The following SOCS5 variants were observed in gnomAD, a reference collection of about 807,000 sequenced individuals.
The protein encoded by SOCS5 is suppressor of cytokine signaling 5.
In SOCS5, 32 loss-of-function variants were observed where a neutral mutation model predicts 42.8. The ratio of observed to expected loss-of-function variants is 0.75; its 90% CI spans 0.56 to 1.01. The LOEUF is 1.01. Among genes scored for constraint, SOCS5 ranks in the 50% least tolerant of loss-of-function variants. The probability of loss-of-function intolerance (pLI) is 0.00; values close to 1 mark genes in which losing one functional copy is unlikely to be tolerated. For synonymous variants in SOCS5, 283 were observed against 229.6 expected, an observed-to-expected ratio of 1.23 and a Z score of -2.10; for missense variants, 627 against 653.0, an observed-to-expected ratio of 0.96 and a Z score of 0.43.
chr2:46,738,077 T>TA (rs1462222111), intron 1 of SOCS5, among the ~76,000 whole-genome samples: 1 of 152,154 alleles, frequency 6.6e-6, no homozygotes, highest in Non-Finnish European at 1.5e-5. Flanking sequence ...ATGTAGATGT[T>TA]AAAATTAGAA....
At chr2:46,756,079 C>A (rs1251101448) in intron 1 of SOCS5, among the ~76,000 whole-genome samples, 1 of 152,156 alleles carries the variant, frequency 6.6e-6, no homozygotes, top group Non-Finnish European at 1.5e-5. Context: ...TGTGCCCTGG[C>A]AAGTACAAAT....
chr2:46,744,050 C>T (rs79729744), intron 1 of SOCS5, among the ~76,000 whole-genome samples: 2,493 of 151,792 alleles, frequency 0.016, 76 homozygotes, highest in African/African-American at 0.053. Context: ...AGTGCAGTGG[C>T]GCAATCTCAG....
chr2:46,710,100 G>A (rs1000624205), intron 1 of SOCS5, among the ~76,000 whole-genome samples: 12 of 152,140 alleles, frequency 7.9e-5, no homozygotes, highest in Non-Finnish European at 1.3e-4. Context: ...TGGGCAAAGA[G>A]TAAGGAGATA....
chr2:46,709,152 G>A (rs1672559846), intron 1 of SOCS5, among the ~76,000 whole-genome samples: 1 of 152,138 alleles, frequency 6.6e-6, no homozygotes, highest in Non-Finnish European at 1.5e-5. Context: ...CCAAAGTGCT[G>A]CGATTACAGG....
At position 46,747,659 on chromosome 2, in the gene SOCS5, G is replaced by A. The variant is rs540799069; in HGVS notation, c.-12-10860G>A. On this transcript the variant is annotated intron_variant, in intron 1 of 1. Transcript: ENST00000394861. ...CTTCCTGTGGTCATTGTACTTACAC[G>A]TAGTACTCCTCTATAACCACATCCC... Among the ~76,000 whole-genome samples the A allele has an allele frequency of 8.5e-5, 13 of 152,128 alleles. No homozygotes were observed. In the South Asian group the frequency reaches 1.7e-3, roughly 19 times the overall value.
chr2:46,719,447 A>T (rs1672830150), intron 1 of SOCS5, among the ~76,000 whole-genome samples: 1 of 152,184 alleles, frequency 6.6e-6, no homozygotes, highest in African/African-American at 2.4e-5. Context: ...ATTTAATATT[A>T]CTATCTTTCC....
At chr2:46,702,433 A>G (rs1672365679) in intron 1 of SOCS5, among the ~76,000 whole-genome samples, 1 of 152,200 alleles carries the variant, frequency 6.6e-6, no homozygotes, top group Non-Finnish European at 1.5e-5. Context: ...TCTGAATGTC[A>G]TTGGGAGATC....
intron 1 of SOCS5, among the ~76,000 whole-genome samples, chr2:46,706,213 G>A (rs963019200): frequency 6.6e-6 from 1 of 152,158 alleles, no homozygotes; most frequent in Non-Finnish European, 1.5e-5. Context: ...AGAAAGGTAG[G>A]TGGCATTATC....
At chr2:46,709,542 A>G (rs887345603) in intron 1 of SOCS5, among the ~76,000 whole-genome samples, 2 of 152,194 alleles carry the variant, frequency 1.3e-5, no homozygotes, top group African/African-American at 2.4e-5. Context: ...AAAAGTAGGA[A>G]TAACACTATT....
chr2:46,730,691 G>A (rs1013155120), intron 1 of SOCS5, among the ~76,000 whole-genome samples: 4 of 152,166 alleles, frequency 2.6e-5, no homozygotes, highest in Non-Finnish European at 5.9e-5. Context: ...AATTTAATTT[G>A]CATATTCCTA....
intron 1 of SOCS5, among the ~76,000 whole-genome samples, chr2:46,756,433 G>A (rs1040380587): frequency 3.9e-5 from 6 of 152,222 alleles, no homozygotes; most frequent in African/African-American, 1.2e-4. Flanking sequence ...ATGTTTAAAT[G>A]TAAAAATTTT....
intron 1 of SOCS5, among the ~76,000 whole-genome samples, chr2:46,711,650 T>C (rs13025984): frequency 0.29 from 43,451 of 152,148 alleles, 7,101 homozygotes; most frequent in Non-Finnish European, 0.37. Context: ...TTTCCTCTTA[T>C]GCTAGTGTTT....
intron 1 of SOCS5, among the ~76,000 whole-genome samples, chr2:46,742,913 C>T (rs1294535515): frequency 6.6e-6 from 1 of 152,190 alleles, no homozygotes; most frequent in Non-Finnish European, 1.5e-5. Flanking sequence ...ACCTGCCCAC[C>T]TTGGCCTCCC....
chr2:46,720,017 T>C (rs1672844658), intron 1 of SOCS5, among the ~76,000 whole-genome samples: 2 of 152,182 alleles, frequency 1.3e-5, no homozygotes, highest in South Asian at 4.1e-4. Context: ...CACCTTTTCA[T>C]TGTAGGGTTA....
intron 1 of SOCS5, among the ~76,000 whole-genome samples, chr2:46,709,896 A>G (rs1672578737): frequency 6.6e-6 from 1 of 152,202 alleles, no homozygotes; most frequent in Non-Finnish European, 1.5e-5. Context: ...TTTTCTCCTT[A>G]CATACTTCTA....
At chr2:46,719,877 C>T (rs1672841453) in intron 1 of SOCS5, among the ~76,000 whole-genome samples, 2 of 152,096 alleles carry the variant, frequency 1.3e-5, no homozygotes, top group Admixed American at 1.3e-4. Context: ...AGTCGCAGAT[C>T]CAGAAACTCA....
At chr2:46,751,454 T>C (rs1465243404) in intron 1 of SOCS5, among the ~76,000 whole-genome samples, 1 of 151,980 alleles carries the variant, frequency 6.6e-6, no homozygotes, top group Non-Finnish European at 1.5e-5. Flanking sequence ...GACATGCAAG[T>C]GTTTTTTTTT....
chr2:46,760,871 A>G lies in SOCS5; in HGVS notation c.*730A>G, dbSNP rs1673852630. 6.0e-6 allele frequency: 1 copy of G among 167,092 alleles called. No individual in the cohort carries two copies. The highest frequency in any genetic ancestry group is 1.5e-5 in the Non-Finnish European group (1 of 68,116). The allele number at this position is 167,092 out of a possible 1,614,324, so 10.4% of individuals were successfully genotyped here. ...ACAGGCGTTTGGAATAGCTGCTGCA[A>G]TGTAGTCTTGTGTGTGATTTTTTTT... is the stretch of plus-strand genomic sequence containing the variant. On this transcript the variant is annotated 3_prime_UTR_variant, in exon 2 of 2. Transcript: ENST00000394861.
intron 1 of SOCS5, among the ~76,000 whole-genome samples, chr2:46,732,119 C>T (rs1429284976): frequency 1.3e-5 from 2 of 152,186 alleles, no homozygotes; most frequent in Non-Finnish European, 2.9e-5. Context: ...TTATTTCATT[C>T]ATCTAGTGTT....
Sources: gnomAD v4.1 joint callset for allele counts (sites outside exome capture counted in the v4.1 genomes callset) on GRCh38, gnomAD v4.1.1 for gene constraint, MANE v1.5 for transcripts, NCBI Gene and HGNC (gene_info 2026-07-23, HGNC 2026-07-21) for gene names.